The following APBB2 variants were observed in gnomAD, a reference collection of about 807,000 sequenced individuals.
APBB2 encodes the protein Fe65-like 1.
Under a neutral mutation model 82.5 loss-of-function variants are expected in APBB2, and 38 were observed. The observed-to-expected ratio is 0.46, with a 90% CI of 0.36 to 0.60. The LOEUF (loss-of-function observed/expected upper bound fraction) is 0.60. Ranked by LOEUF, APBB2 falls within the 20% of genes least tolerant of loss-of-function variation. The pLI is 0.00. For synonymous variants in APBB2, 341 were observed against 368.2 expected (o/e 0.93, Z 0.85); for missense variants, 772 against 972.3 (o/e 0.79, Z 2.74).
At chr4:40,924,275 T>C (rs978843545) in intron 10 of APBB2, among the ~76,000 whole-genome samples, 4 of 152,190 alleles carry the variant, frequency 2.6e-5, no homozygotes, top group African/African-American at 7.2e-5. Flanking sequence ...GATTCAACCA[T>C]GTTGCTATTT....
chr4:41,000,004 C>A (rs1804685394), intron 6 of APBB2, among the ~76,000 whole-genome samples: 1 of 147,206 alleles, frequency 6.8e-6, no homozygotes, highest in Admixed American at 6.8e-5. Flanking sequence ...CATGGTAAAA[C>A]CCCGTATTTA....
At position 40,933,361 on chromosome 4, in the gene APBB2, C is replaced by A. The variant is rs144202746; in HGVS notation, c.1254+1095G>T. On this transcript the variant is annotated intron_variant, in intron 10 of 17. Coordinates refer to ENST00000508593, the MANE Select transcript of APBB2 (RefSeq NM_004307.2). Reference sequence around the variant, plus strand: ...ACTGATCAGGGGCGGGTAAATCAAGCCAGGAACCCTCTCTTCCCATGGCCC... The same window carrying A: ...ACTGATCAGGGGCGGGTAAATCAAGACAGGAACCCTCTCTTCCCATGGCCC... Among the ~76,000 whole-genome samples the A allele has an allele frequency of 1.2e-3, 183 of 152,238 alleles. 1 individual carries two copies. Among genetic ancestry groups the A allele is most frequent in the African/African-American group, 4.2e-3 (173 of 41,526 alleles).
chr4:41,176,457 C>A (rs2154058012), intron 1 of APBB2, among the ~76,000 whole-genome samples: 1 of 152,140 alleles, frequency 6.6e-6, no homozygotes, highest in East Asian at 1.9e-4. Flanking sequence ...ATACTTCCAG[C>A]TTCTTCCCCC....
chr4:40,835,398 T>G (rs1051559089), intron 12 of APBB2, among the ~76,000 whole-genome samples: 1 of 152,172 alleles, frequency 6.6e-6, no homozygotes, highest in Non-Finnish European at 1.5e-5. Flanking sequence ...CGTCTAATGT[T>G]ACAGACGGGC....
intron 10 of APBB2, among the ~76,000 whole-genome samples, chr4:40,923,024 G>T (rs1781680282): frequency 6.7e-6 from 1 of 148,648 alleles, no homozygotes; most frequent in Non-Finnish European, 1.5e-5. Context: ...GCCCAGGCCG[G>T]ATTGCAGTGG....
rs59781237 is a variant in APBB2, at chr4:40,918,143, C to T, written c.1254+16313G>A. 1.5e-3 allele frequency among the ~76,000 whole-genome samples: 227 copies of T among 152,242 alleles called. 4 individuals carry two copies. In the East Asian group the frequency reaches 0.034, roughly 23 times the overall value. On this transcript the variant is annotated intron_variant, in intron 10 of 17. Transcript: ENST00000508593. ...TCACTTATTTACAATGTGACGTATC[C>T]CAGTGCTGGCCAAACCACTCTATCA...
intron 4 of APBB2, among the ~76,000 whole-genome samples, chr4:41,036,802 G>A (rs1719361203): frequency 6.6e-6 from 1 of 152,160 alleles, no homozygotes; most frequent in South Asian, 2.1e-4. Context: ...GTACAACTAT[G>A]CAGAACTTTT....
Position 41,200,191 on chromosome 4 carries a change from C to T in APBB2, c.-417+14214G>A, listed in dbSNP as rs530009133. On this transcript the variant is annotated intron_variant, in intron 1 of 17. Transcript: ENST00000508593. ...AAAATACAGCATTCAAGTCAAAATG[C>T]ACTATAGAGCAAAGCTGGTCAAAGC... Among the ~76,000 whole-genome samples, 23 of 152,134 alleles carry T rather than the reference C, an allele frequency of 1.5e-4. 1 individual carries two copies. Among genetic ancestry groups the T allele is most frequent in the Non-Finnish European group, 2.9e-4 (20 of 68,016 alleles).
At chr4:41,121,866 T>C (rs978702742) in intron 2 of APBB2, among the ~76,000 whole-genome samples, 3 of 152,118 alleles carry the variant, frequency 2.0e-5, no homozygotes, top group Non-Finnish European at 4.4e-5. Context: ...TATGGCAACA[T>C]TTTTAATATA....
rs138009953 is a variant in APBB2 at position 41,125,323 on chromosome 4, C to T, written c.-261+17664G>A. Among the ~76,000 whole-genome samples, 388 of 152,234 alleles carry T rather than the reference C, an allele frequency of 2.5e-3. 1 individual carries two copies. The highest frequency in any genetic ancestry group is 0.01 in the Middle Eastern group (3 of 294). On this transcript the variant is annotated intron_variant, in intron 2 of 17. Coordinates refer to ENST00000508593, the MANE Select transcript of APBB2 (RefSeq NM_004307.2). The stretch of plus-strand genomic sequence containing the variant: ...TTTTCATGGTATTACTCAGAAGAGT[C>T]GGCCACACATAATGAAGAGGTGTGA...
chr4:40,918,972 T>G, intron 10 of APBB2, among the ~76,000 whole-genome samples: 1 of 152,100 alleles, frequency 6.6e-6, no homozygotes, highest in Non-Finnish European at 1.5e-5. Flanking sequence ...TTTTTCTTTT[T>G]TAGCTAGTAT....
intron 12 of APBB2, among the ~76,000 whole-genome samples, chr4:40,875,732 G>T (rs1305516729): frequency 6.6e-6 from 1 of 152,134 alleles, no homozygotes; most frequent in Admixed American, 6.5e-5. Context: ...TTAGGGCTCA[G>T]ACTCTGGGAG....
In APBB2 at chr4:40,883,227, T is replaced by C. The variant is rs377385220; in HGVS notation, c.1529+7137A>G. Among the ~76,000 whole-genome samples, 955 of 140,528 alleles carry C rather than the reference T, an allele frequency of 6.8e-3. 10 individuals carry two copies. The highest frequency in any genetic ancestry group is 0.022 in the African/African-American group (898 of 40,140). 92.2% of individuals were successfully genotyped at this position (140,528 alleles called of 152,430 possible). A position where few individuals can be genotyped will look rare whatever the true frequency, so the allele number is the denominator to read the frequency against. ...TTTTATAATACACAGAAGGCTGAGG[T>C]GAGAAGATCACTTGAGCCCAAGGTG... On this transcript the variant is annotated intron_variant, in intron 12 of 17. Transcript: ENST00000508593.
In APBB2 at chr4:41,043,655, T is replaced by A. The variant is rs150500306; in HGVS notation, c.-50-10351A>T. Among the ~76,000 whole-genome samples the A allele has an allele frequency of 2.5e-4, 38 of 152,330 alleles. 1 individual carries two copies. In the East Asian group the frequency reaches 5.8e-3, roughly 23 times the overall value. On this transcript the variant is annotated intron_variant, in intron 4 of 17. Coordinates refer to ENST00000508593, the MANE Select transcript of APBB2 (RefSeq NM_004307.2). The stretch of plus-strand genomic sequence containing the variant: ...GCTTGTTACCCTAGAAGGCCCTCCA[T>A]GCCCTTCCCTTCCTCCAAAGTAAAC...
In APBB2 at chr4:41,014,190, C is replaced by G; in HGVS notation, c.228G>C (p.Gln76His). 6.2e-7 allele frequency: 1 copy of G among 1,614,228 alleles called. No homozygotes were observed. Among genetic ancestry groups the G allele is most frequent in the Middle Eastern group, 1.6e-4 (1 of 6,062 alleles). The change falls in exon 6 of 18, where the codon CAG becomes CAC. Residue 76 changes from glutamine to histidine, a missense_variant. Gln to His is a conservative substitution (Grantham distance 24). Coordinates refer to ENST00000508593, the MANE Select transcript of APBB2 (RefSeq NM_004307.2). ...CRKKYALTNI[Q>H]AAMGLSDPAA... ...CTGGATCCGAGAGGCCCATGGCCGCCTGGATGTTAGTTAGTGCATATTTTT... is the reference window on the plus strand; with the variant it reads ...CTGGATCCGAGAGGCCCATGGCCGCGTGGATGTTAGTTAGTGCATATTTTT...
At chr4:40,849,975 C>T (rs1185643365) in intron 12 of APBB2, among the ~76,000 whole-genome samples, 1 of 152,160 alleles carries the variant, frequency 6.6e-6, no homozygotes, top group Non-Finnish European at 1.5e-5. Flanking sequence ...TCGCCCGCCT[C>T]GGCCTCCCAA....
chr4:40,880,379 T>C (rs770010283), intron 12 of APBB2: 13 of 985,308 alleles, frequency 1.3e-5, no homozygotes, highest in Non-Finnish European at 1.6e-5. Flanking sequence ...TGATGACATT[T>C]GAGTAAAAAG....
chr4:41,184,473 C>T (rs1224929728), intron 1 of APBB2, among the ~76,000 whole-genome samples: 2 of 152,190 alleles, frequency 1.3e-5, no homozygotes, highest in African/African-American at 4.8e-5. Context: ...TTTGCTCTAG[C>T]TCTTCCCTGG....
intron 12 of APBB2, among the ~76,000 whole-genome samples, chr4:40,852,577 C>T (rs1759824279): frequency 1.3e-5 from 2 of 151,756 alleles, no homozygotes; most frequent in South Asian, 2.1e-4. Flanking sequence ...GCCAAATACA[C>T]AAGATTGCAC....
Sources: gnomAD v4.1 joint callset for allele counts (sites outside exome capture counted in the v4.1 genomes callset) on GRCh38, gnomAD v4.1.1 for gene constraint, MANE v1.5 for transcripts, NCBI Gene and HGNC (gene_info 2026-07-23, HGNC 2026-07-21) for gene names.